The following ABR variants were observed in gnomAD, a reference collection of about 807,000 sequenced individuals.
The protein encoded by ABR is active breakpoint cluster region-related protein.
A neutral mutation model predicts 107.2 loss-of-function variants in ABR; 35 were observed. The observed-to-expected ratio is 0.33, with a 90% CI of 0.25 to 0.43. ABR has a LOEUF of 0.43. ABR is among the 20% of genes least tolerant of loss of function. The pLI, the probability that ABR is intolerant of heterozygous loss-of-function variation, is 1.00. For missense variants in ABR, 815 were observed against 1,115.2 expected (o/e 0.73, Z 3.83); for synonymous variants, 498 against 462.0 (o/e 1.08, Z -1.00).
chr17:1,060,455 C>A (rs1053305459), intron 10 of ABR, among the ~76,000 whole-genome samples: 2 of 152,012 alleles, frequency 1.3e-5, no homozygotes, highest in Non-Finnish European at 2.9e-5. Context: ...GCTCAAAGAC[C>A]CACTGTGGAG....
upstream of ABR, among the ~76,000 whole-genome samples, chr17:1,190,959 G>A (rs1012345912): frequency 6.6e-6 from 1 of 152,186 alleles, no homozygotes; most frequent in Non-Finnish European, 1.5e-5. Context: ...CTCCCAAGGG[G>A]CTGGCCTGAG....
chr17:1,097,154 G>A (rs2037517953), intron 3 of ABR, among the ~76,000 whole-genome samples: 1 of 152,164 alleles, frequency 6.6e-6, no homozygotes, highest in South Asian at 2.1e-4. Flanking sequence ...TGGGATCTAA[G>A]GGCTCCGTGT....
At chr17:1,026,727 G>A (rs1018240102) in intron 16 of ABR, among the ~76,000 whole-genome samples, 4 of 152,218 alleles carry the variant, frequency 2.6e-5, no homozygotes, top group East Asian at 1.9e-4. Context: ...CTGGGGGGCC[G>A]TCAGGACACA....
chr17:1,203,781 G>A (rs2042733761), intron 1 of ABR, among the ~76,000 whole-genome samples: 1 of 152,142 alleles, frequency 6.6e-6, no homozygotes, highest in African/African-American at 2.4e-5. Context: ...CTCGCGGGGC[G>A]AAGGGGGCTC....
intron 16 of ABR, among the ~76,000 whole-genome samples, chr17:1,044,510 G>C (rs2031249309): frequency 6.6e-6 from 1 of 152,172 alleles, no homozygotes; most frequent in South Asian, 2.1e-4. Flanking sequence ...AATCAGCTGG[G>C]CATGGTGGTG....
chr17:1,169,475 A>G (rs563717947), intron 1 of ABR, among the ~76,000 whole-genome samples: 1 of 152,192 alleles, frequency 6.6e-6, no homozygotes, highest in Non-Finnish European at 1.5e-5. Context: ...GTTACCTTTC[A>G]TCTGGCCAGA....
rs1429266892 is a variant in ABR at position 1,012,702 on chromosome 17, G to C, written c.1947C>G (p.Ile649Met). 1.3e-6 allele frequency: 2 copies of C among 1,584,702 alleles called. No homozygotes were observed. The highest frequency in any genetic ancestry group is 1.7e-6 in the Non-Finnish European group (2 of 1,164,054). ...GCAGCACCTACTTCGTCACCACGCT[G>C]ATCTTCACACCGAAGACGCCGGTCT... ...KKQTGVFGVK[I>M]SVVTKRERSK... Residue 649 changes from isoleucine to methionine, a missense_variant, in exon 18 of 23, where the codon ATC becomes ATG. Around this residue, in one of 5 missense-constraint regions of ABR, gnomAD observed 175 missense variants for 284.3 expected, o/e 0.62. Transcript: ENST00000302538.
chr17:1,104,089 A>C (rs1273645633), intron 2 of ABR, among the ~76,000 whole-genome samples: 1 of 152,194 alleles, frequency 6.6e-6, no homozygotes, highest in Non-Finnish European at 1.5e-5. Flanking sequence ...CGAGTTCTCT[A>C]AAGAGTTCCA....
chr17:1,088,157 A>G (rs2151282461), intron 4 of ABR, among the ~76,000 whole-genome samples: 1 of 152,232 alleles, frequency 6.6e-6, no homozygotes, highest in East Asian at 1.9e-4. Context: ...GGGGAGGGAA[A>G]GTGGTGGGTA....
At chr17:1,095,042 C>T (rs1167155733) in intron 3 of ABR, among the ~76,000 whole-genome samples, 1 of 152,166 alleles carries the variant, frequency 6.6e-6, no homozygotes, top group African/African-American at 2.4e-5. Context: ...AACGCAGGAC[C>T]CCACGGAGGA....
chr17:1,209,355 C>CA (rs2042859133), intron 1 of ABR, among the ~76,000 whole-genome samples: 1 of 151,940 alleles, frequency 6.6e-6, no homozygotes, highest in Non-Finnish European at 1.5e-5. Flanking sequence ...CGGCTCACCG[C>CA]AACCTCCACC....
intron 1 of ABR, among the ~76,000 whole-genome samples, chr17:1,171,610 G>T (rs1293495581): frequency 6.6e-6 from 1 of 152,180 alleles, no homozygotes; most frequent in Non-Finnish European, 1.5e-5. Flanking sequence ...GCACACCAAG[G>T]CATCAGAGGT....
intron 1 of ABR, among the ~76,000 whole-genome samples, chr17:1,195,079 G>A (rs192979697): frequency 0.034 from 4,947 of 145,438 alleles, 83 homozygotes; most frequent in Non-Finnish European, 0.04. Context: ...AGGCCGAGGC[G>A]GGCGGATCAC....
chr17:1,161,058 C>A (rs1238657094), intron 1 of ABR, among the ~76,000 whole-genome samples: 3 of 152,134 alleles, frequency 2.0e-5, no homozygotes. Flanking sequence ...AGGACACCAT[C>A]CCTTCTCAGG....
At chr17:1,012,143 C>T (rs1315168177) in intron 18 of ABR, 158 bp from the exon 19 acceptor site, 1 of 1,185,154 alleles carries the variant, frequency 8.4e-7, no homozygotes, top group Non-Finnish European at 1.2e-6. Context: ...GCCACCGCAC[C>T]CCACCCCAGC....
At chr17:1,117,362 T>A (rs111398493) in intron 2 of ABR, among the ~76,000 whole-genome samples, 1 of 70,906 alleles carries the variant, frequency 1.4e-5, no homozygotes, top group Non-Finnish European at 3.0e-5. Context: ...CCCAGCGTTA[T>A]CCCTGAGCCT....
At chr17:1,172,432 G>A (rs1403807565) in intron 1 of ABR, among the ~76,000 whole-genome samples, 1 of 152,194 alleles carries the variant, frequency 6.6e-6, no homozygotes, top group Non-Finnish European at 1.5e-5. Flanking sequence ...GTCCCCAACT[G>A]ACCATATCTT....
chr17:1,075,265 G>C (rs1034844353), intron 6 of ABR, among the ~76,000 whole-genome samples: 2 of 152,260 alleles, frequency 1.3e-5, no homozygotes, highest in African/African-American at 2.4e-5. Context: ...TCTGTCCCTG[G>C]GGTCATGACC....
At chr17:1,124,502 A>G (rs1444834442) in intron 2 of ABR, among the ~76,000 whole-genome samples, 2 of 152,362 alleles carry the variant, frequency 1.3e-5, no homozygotes, top group East Asian at 3.9e-4. Context: ...CGACAGGCAC[A>G]CACGAGCTGC....
Sources: gnomAD v4.1 joint callset for allele counts (sites outside exome capture counted in the v4.1 genomes callset) on GRCh38, gnomAD v4.1.1 for gene constraint, gnomAD v4.1.1 regional missense constraint, MANE v1.5 for transcripts, NCBI Gene and HGNC (gene_info 2026-07-23, HGNC 2026-07-21) for gene names.